The following PDZD2 variants were observed in gnomAD, a reference collection of about 807,000 sequenced individuals.
PDZD2 encodes the protein PDZ domain containing 2, also known as PDZ domain-containing protein 2.
PDZD2 carries 90 observed loss-of-function variants against 220.7 expected under a neutral mutation model. The observed-to-expected ratio is 0.41, with a 90% CI of 0.34 to 0.49. The LOEUF (loss-of-function observed/expected upper bound fraction) is 0.49. Among genes scored for constraint, PDZD2 ranks in the 20% least tolerant of loss-of-function variants. The pLI is 0.28. For synonymous variants in PDZD2, 1,375 were observed against 1,450.5 expected, an observed-to-expected ratio of 0.95 and a Z score of 1.18; for missense variants, 3,174 against 3,608.5, an observed-to-expected ratio of 0.88 and a Z score of 3.08.
At chr5:32,047,717 A>G (rs543480856) in intron 7 of PDZD2, among the ~76,000 whole-genome samples, 1 of 152,358 alleles carries the variant, frequency 6.6e-6, no homozygotes, top group South Asian at 2.1e-4. Flanking sequence ...ATGTCCACCA[A>G]CAATAGAATG....
At chr5:31,739,173 A>G (rs2150164185) in intron 1 of PDZD2, among the ~76,000 whole-genome samples, 1 of 152,340 alleles carries the variant, frequency 6.6e-6, no homozygotes, top group East Asian at 1.9e-4. Context: ...GGCGTGAGCC[A>G]CCACACCGGG....
chr5:32,098,261 G>A lies in PDZD2; in HGVS notation c.7948-103G>A. Reference sequence around the variant, plus strand: ...CCTCTCAAAAAATAAAAATAAAAAAGGAAGGTTCCTTTACTACAGATACGC... The same window carrying A: ...CCTCTCAAAAAATAAAAATAAAAAAAGAAGGTTCCTTTACTACAGATACGC... On this transcript the variant is annotated intron_variant, in intron 22 of 24. Coordinates refer to ENST00000438447, the MANE Select transcript of PDZD2 (RefSeq NM_178140.4). This position sits in a 1 kb window ranked among gnomAD's most constrained non-coding sequence, Gnocchi z 4.1. 8 of 1,150,394 alleles carry A rather than the reference G, an allele frequency of 7.0e-6. No homozygotes were observed. Among genetic ancestry groups the A allele is most frequent in the Non-Finnish European group, 9.9e-6 (8 of 810,282 alleles). The allele number at this position is 1,150,394 out of a possible 1,614,324, so 71.3% of individuals were successfully genotyped here. A position where few individuals can be genotyped will look rare whatever the true frequency, so the allele number is the denominator to read the frequency against.
At chr5:31,800,045 A>G (rs1180731290) in intron 2 of PDZD2, among the ~76,000 whole-genome samples, 1 of 151,934 alleles carries the variant, frequency 6.6e-6, no homozygotes, top group Non-Finnish European at 1.5e-5. Flanking sequence ...AATACTCTCG[A>G]GCATATTTCT....
chr5:31,887,235 A>G (rs1024710962), intron 2 of PDZD2, among the ~76,000 whole-genome samples: 2 of 152,208 alleles, frequency 1.3e-5, no homozygotes, highest in Non-Finnish European at 2.9e-5. Flanking sequence ...AGCAGATTTT[A>G]CACACGCACA....
In PDZD2 at chr5:31,855,531, C is replaced by A. The variant is rs7711418; in HGVS notation, c.476+55807C>A. Among the ~76,000 whole-genome samples, 7 of 152,088 alleles carry A rather than the reference C, an allele frequency of 4.6e-5. No individual in the cohort carries two copies. In the East Asian group the frequency reaches 1.2e-3, roughly 25 times the overall value. ...CCACGGCGGTTTCAGAACCTTGGGG[C>A]CTGTGCCGTTGAAGCCCCGGTAGGG... On this transcript the variant is annotated intron_variant, in intron 2 of 24. Coordinates refer to ENST00000438447, the MANE Select transcript of PDZD2 (RefSeq NM_178140.4).
intron 2 of PDZD2, among the ~76,000 whole-genome samples, chr5:31,974,429 T>C (rs576502209): frequency 6.6e-6 from 1 of 152,344 alleles, no homozygotes; most frequent in East Asian, 1.9e-4. Flanking sequence ...TAATCATTGG[T>C]ATCAAGAATA....
At chr5:31,947,018 G>C (rs1410480587) in intron 2 of PDZD2, among the ~76,000 whole-genome samples, 1 of 152,126 alleles carries the variant, frequency 6.6e-6, no homozygotes, top group Non-Finnish European at 1.5e-5. Flanking sequence ...TGGTTCTTTT[G>C]ATCAGTCAAA....
At chr5:32,095,757 T>TAAGA (rs1743612780) in intron 21 of PDZD2, among the ~76,000 whole-genome samples, 1 of 151,698 alleles carries the variant, frequency 6.6e-6, no homozygotes, top group East Asian at 1.9e-4. Context: ...TTTTCTTTTC[T>TAAGA]TGAGATGGAG....
At chr5:31,967,235 C>T (rs560746247) in intron 2 of PDZD2, among the ~76,000 whole-genome samples, 43 of 152,236 alleles carry the variant, frequency 2.8e-4, no homozygotes, top group African/African-American at 9.9e-4. Context: ...CTGGAGGGTA[C>T]AGACATGCCG....
At chr5:31,908,475 TA>T in intron 2 of PDZD2, 2 of 958,870 alleles carry the variant, frequency 2.1e-6, no homozygotes, top group Non-Finnish European at 3.1e-6. Context: ...GGAGAGAGGG[TA>T]ACACTGATGA....
chr5:31,967,629 G>A (rs967466385), intron 2 of PDZD2, among the ~76,000 whole-genome samples: 5 of 152,308 alleles, frequency 3.3e-5, no homozygotes, highest in South Asian at 4.2e-4. Flanking sequence ...ATCCCTGGGC[G>A]TTGATAGTAG....
At chr5:31,807,137 T>C (rs1406184317) in intron 2 of PDZD2, among the ~76,000 whole-genome samples, 1 of 152,182 alleles carries the variant, frequency 6.6e-6, no homozygotes, top group Non-Finnish European at 1.5e-5. Flanking sequence ...GGTTTCACCA[T>C]GTTGGCCAGA....
At chr5:31,941,779 G>T (rs1053829420) in intron 2 of PDZD2, among the ~76,000 whole-genome samples, 1 of 152,104 alleles carries the variant, frequency 6.6e-6, no homozygotes, top group Non-Finnish European at 1.5e-5. Context: ...AGTTTGTTAG[G>T]GTAATAGAAA....
At chr5:32,030,973 T>C (rs1755070001) in intron 6 of PDZD2, among the ~76,000 whole-genome samples, 1 of 152,232 alleles carries the variant, frequency 6.6e-6, no homozygotes, top group African/African-American at 2.4e-5. Flanking sequence ...CCTGCAGTTT[T>C]GCCTTCAAGT....
At chr5:32,029,613 A>T (rs1271416262) in intron 6 of PDZD2, among the ~76,000 whole-genome samples, 2 of 152,110 alleles carry the variant, frequency 1.3e-5, no homozygotes, top group South Asian at 4.1e-4. Flanking sequence ...CCCTCACCAT[A>T]GGCAACCTCA....
intron 2 of PDZD2, among the ~76,000 whole-genome samples, chr5:31,862,670 C>G (rs1421795351): frequency 6.6e-6 from 1 of 151,642 alleles, no homozygotes; most frequent in Non-Finnish European, 1.5e-5. Flanking sequence ...AAGCAATTCT[C>G]CTACCTCAGC....
chr5:32,059,000 A>C (rs916845282), intron 12 of PDZD2, among the ~76,000 whole-genome samples: 1 of 152,234 alleles, frequency 6.6e-6, no homozygotes, highest in Non-Finnish European at 1.5e-5. Flanking sequence ...GACTAAGCAG[A>C]GAGTTGACCG....
chr5:31,849,609 G>A (rs188164915), intron 2 of PDZD2, among the ~76,000 whole-genome samples: 1 of 151,794 alleles, frequency 6.6e-6, no homozygotes, highest in Non-Finnish European at 1.5e-5. Flanking sequence ...TTTGGGAGGC[G>A]GAGGTGGGTG....
chr5:32,042,241 G>A (rs1446534734), intron 7 of PDZD2, among the ~76,000 whole-genome samples: 6 of 141,988 alleles, frequency 4.2e-5, no homozygotes, highest in Non-Finnish European at 7.6e-5. Context: ...CAGCCTGGGC[G>A]ACAGAGTGAG....
Sources: allele counts gnomAD v4.1 joint callset (sites outside exome capture counted in the v4.1 genomes callset), GRCh38; gene constraint gnomAD v4.1.1; non-coding constraint Gnocchi (gnomAD v3.1); transcripts MANE v1.5; gene names NCBI Gene and HGNC (gene_info 2026-07-23, HGNC 2026-07-21).